TMEM131L: variants seen among roughly 807,000 people sequenced by gnomAD.
The protein encoded by TMEM131L is transmembrane protein 131-like.
TMEM131L carries 54 observed loss-of-function variants against 192.2 expected under a neutral mutation model. That is an observed-to-expected ratio of 0.28 (90% CI 0.23 to 0.35). TMEM131L has a LOEUF of 0.35. Among genes scored for constraint, TMEM131L ranks in the 10% least tolerant of loss-of-function variants. The pLI is 1.00. For synonymous variants in TMEM131L, 701 were observed against 704.9 expected (o/e 0.99, Z 0.09); for missense variants, 1,888 against 1,972.9 (o/e 0.96, Z 0.82).
chr4:153,501,904 A>G (rs921856527), intron 3 of TMEM131L, among the ~76,000 whole-genome samples: 3 of 131,570 alleles, frequency 2.3e-5, no homozygotes, highest in African/African-American at 9.0e-5. Context: ...TTTCCCCTCT[A>G]CCTTTTCCAG....
chr4:153,574,000 C>T (rs1458535521), intron 7 of TMEM131L, among the ~76,000 whole-genome samples: 1 of 152,182 alleles, frequency 6.6e-6, no homozygotes, highest in Non-Finnish European at 1.5e-5. Context: ...ATTTAGCACC[C>T]ATCATATTGC....
At chr4:153,615,984 C>G (rs953229426) in intron 26 of TMEM131L, among the ~76,000 whole-genome samples, 2 of 152,092 alleles carry the variant, frequency 1.3e-5, no homozygotes, top group South Asian at 4.2e-4. Flanking sequence ...GTGTCTTTAC[C>G]ATTAGATCCC....
intron 3 of TMEM131L, among the ~76,000 whole-genome samples, chr4:153,548,807 A>G (rs1737388672): frequency 6.6e-6 from 1 of 152,138 alleles, no homozygotes; most frequent in Non-Finnish European, 1.5e-5. Flanking sequence ...TACCTTCAAG[A>G]AAAATGGGGC....
At chr4:153,609,402 C>T (rs1732464157) in intron 25 of TMEM131L, among the ~76,000 whole-genome samples, 1 of 152,186 alleles carries the variant, frequency 6.6e-6, no homozygotes, top group Non-Finnish European at 1.5e-5. Flanking sequence ...TCACCTCCCA[C>T]CAGGCCCCTC....
chr4:153,492,114 G>C (rs1732833701), intron 3 of TMEM131L, among the ~76,000 whole-genome samples: 1 of 151,746 alleles, frequency 6.6e-6, no homozygotes, highest in Non-Finnish European at 1.5e-5. Context: ...CGATCCCCCT[G>C]CCTCAGCCTT....
At chr4:153,470,425 A>G (rs192138025) in intron 2 of TMEM131L, among the ~76,000 whole-genome samples, 2 of 152,242 alleles carry the variant, frequency 1.3e-5, no homozygotes, top group East Asian at 3.9e-4. Context: ...CTATGATTGT[A>G]AAGTTGTACT....
chr4:153,522,510 C>G (rs890220621), intron 3 of TMEM131L, among the ~76,000 whole-genome samples: 4 of 152,084 alleles, frequency 2.6e-5, no homozygotes, highest in Non-Finnish European at 5.9e-5. Flanking sequence ...TGTGGCTCTT[C>G]CAGGAAGCGT....
intron 4 of TMEM131L, among the ~76,000 whole-genome samples, chr4:153,554,489 A>G (rs1737854191): frequency 6.6e-6 from 1 of 152,224 alleles, no homozygotes; most frequent in Non-Finnish European, 1.5e-5. Flanking sequence ...GTAATACAGT[A>G]TTTTGGAAAT....
intron 7 of TMEM131L, among the ~76,000 whole-genome samples, chr4:153,573,237 G>A (rs920513618): frequency 1.3e-5 from 2 of 152,226 alleles, no homozygotes; most frequent in Non-Finnish European, 2.9e-5. Context: ...CCACCACAGC[G>A]TCCTTTCTTT....
intron 21 of TMEM131L, among the ~76,000 whole-genome samples, chr4:153,600,422 G>T (rs11734684): frequency 8.6e-5 from 13 of 151,716 alleles, no homozygotes; most frequent in South Asian, 2.1e-4. Context: ...TGATGAAATT[G>T]ATTTGAAATT....
At chr4:153,508,273 A>G (rs1028878754) in intron 3 of TMEM131L, among the ~76,000 whole-genome samples, 1 of 152,196 alleles carries the variant, frequency 6.6e-6, no homozygotes, top group Admixed American at 6.5e-5. Context: ...TGTTTACTGC[A>G]TGCGTATAAT....
At chr4:153,503,201 T>A (rs959906223) in intron 3 of TMEM131L, among the ~76,000 whole-genome samples, 1 of 152,360 alleles carries the variant, frequency 6.6e-6, no homozygotes, top group African/African-American at 2.4e-5. Flanking sequence ...GCACATGTGA[T>A]GTTTTCCATT....
chr4:153,548,684 G>C (rs1031022262), intron 3 of TMEM131L, among the ~76,000 whole-genome samples: 1 of 152,210 alleles, frequency 6.6e-6, no homozygotes, highest in Non-Finnish European at 1.5e-5. Context: ...AGAGGATAGA[G>C]AAAGAGAAGC....
At chr4:153,522,583 C>A (rs2150157952) in intron 3 of TMEM131L, among the ~76,000 whole-genome samples, 1 of 152,306 alleles carries the variant, frequency 6.6e-6, no homozygotes, top group Non-Finnish European at 1.5e-5. Flanking sequence ...CGAGCTCTCT[C>A]TTCTCGTTTG....
At chr4:153,590,954 A>C (rs546107917) in intron 16 of TMEM131L, 99 bp from the exon 17 acceptor site, 1 of 745,166 alleles carries the variant, frequency 1.3e-6, no homozygotes, top group Non-Finnish European at 1.9e-6. Context: ...TTTAAGTGGG[A>C]ATAGTATTTA....
chr4:153,620,936 G>T (rs1285356041), intron 27 of TMEM131L, 56 bp downstream of exon 27: 24 of 1,422,294 alleles, frequency 1.7e-5, no homozygotes, highest in Non-Finnish European at 1.7e-5. Context: ...TTATAATTTT[G>T]CATTTGGCTA....
chr4:153,623,919 T>C (rs956515623), intron 29 of TMEM131L, among the ~76,000 whole-genome samples: 3 of 151,962 alleles, frequency 2.0e-5, no homozygotes, highest in Non-Finnish European at 4.4e-5. Flanking sequence ...TTTTAAATCA[T>C]CTGTTCACTT....
In TMEM131L at chr4:153,524,131, GTTT is replaced by G. The variant is rs57178282; in HGVS notation, c.240-25924_240-25922del. Among the ~76,000 whole-genome samples the G allele has an allele frequency of 8.0e-3, 984 of 122,710 alleles. 22 individuals carry two copies. The highest frequency in any genetic ancestry group is 0.028 in the African/African-American group (919 of 32,816). The allele number at this position is 122,710 out of a possible 152,430, so 80.5% of individuals were successfully genotyped here. A position where few individuals can be genotyped will look rare whatever the true frequency, so the allele number is the denominator to read the frequency against. The stretch of plus-strand genomic sequence containing the variant: ...TCTGTCTTTCCCATGTTTCACTTCT[GTTT>G]TTTTTTTTTTTTTTTTTCCTGTCTT... On this transcript the variant is annotated intron_variant, in intron 3 of 34. Transcript: ENST00000409959.
chr4:153,536,108 A>G (rs1318159124), intron 3 of TMEM131L, among the ~76,000 whole-genome samples: 1 of 151,990 alleles, frequency 6.6e-6, no homozygotes, highest in East Asian at 1.9e-4. Context: ...TTGTCTGGGG[A>G]TGGAGAATGC....
Sources: gnomAD v4.1 joint callset for allele counts (sites outside exome capture counted in the v4.1 genomes callset) on GRCh38, gnomAD v4.1.1 for gene constraint, MANE v1.5 for transcripts, NCBI Gene and HGNC (gene_info 2026-07-23, HGNC 2026-07-21) for gene names.